Variants in KIDINS220 observed in about 807,000 individuals in gnomAD.
KIDINS220 encodes the protein kinase D-interacting substrate of 220 kDa.
A neutral mutation model predicts 157.6 loss-of-function variants in KIDINS220; 63 were observed. That is an observed-to-expected ratio of 0.40 (90% CI 0.33 to 0.49). KIDINS220 has a LOEUF of 0.49. Ranked by LOEUF, KIDINS220 falls within the 20% of genes least tolerant of loss-of-function variation. The probability of loss-of-function intolerance (pLI) is 0.66; values close to 1 mark genes in which losing one functional copy is unlikely to be tolerated. For synonymous variants in KIDINS220, 732 were observed against 783.6 expected (o/e 0.93, Z 1.10); for missense variants, 1,772 against 2,171.2 (o/e 0.82, Z 3.65).
At position 8,789,861 on chromosome 2, in the gene KIDINS220, A is replaced by G. The variant is rs1291996211; in HGVS notation, c.1621+19T>C. ...AACGTTTTCTCCATTTTTGAAAAAG[A>G]TAAAAAGCAAAGACTTACTAAAGAA... On this transcript the variant is annotated intron_variant, in intron 14 of 29. Transcript: ENST00000256707. 1 of 1,546,568 alleles carries G rather than the reference A, an allele frequency of 6.5e-7. No individual in the cohort carries two copies. Among genetic ancestry groups the G allele is most frequent in the African/African-American group, 1.4e-5 (1 of 71,410 alleles).
At chr2:8,809,265 C>T (rs1178442746) in intron 6 of KIDINS220, among the ~76,000 whole-genome samples, 8 of 152,202 alleles carry the variant, frequency 5.3e-5, no homozygotes, top group Non-Finnish European at 1.2e-4. Context: ...AGGTGATCCA[C>T]CTGCCTCGGC....
At chr2:8,739,470 A>G (rs1044938176) in intron 26 of KIDINS220, among the ~76,000 whole-genome samples, 2 of 152,208 alleles carry the variant, frequency 1.3e-5, no homozygotes, top group Non-Finnish European at 1.5e-5. Flanking sequence ...TTCTAAAATA[A>G]TCATACATAA....
chr2:8,781,270 A>G (rs1333391282), intron 17 of KIDINS220, among the ~76,000 whole-genome samples: 1 of 151,482 alleles, frequency 6.6e-6, no homozygotes, highest in Non-Finnish European at 1.5e-5. Flanking sequence ...TATGTAAGAC[A>G]AAAGCTGACA....
chr2:8,740,463 G>C (rs905023327), intron 26 of KIDINS220, among the ~76,000 whole-genome samples: 7 of 152,076 alleles, frequency 4.6e-5, no homozygotes, highest in African/African-American at 1.7e-4. Context: ...TAAATCATGA[G>C]CCATACATTT....
intron 11 of KIDINS220, among the ~76,000 whole-genome samples, chr2:8,795,379 C>G (rs542986234): frequency 1.7e-4 from 26 of 152,314 alleles, no homozygotes; most frequent in African/African-American, 6.3e-4. Flanking sequence ...CTGCCAGATA[C>G]AAAATTCCTA....
At chr2:8,746,971 G>T in intron 26 of KIDINS220, 174 bp downstream of exon 26, 1 of 540,312 alleles carries the variant, frequency 1.9e-6, no homozygotes. Context: ...TTAAACATCC[G>T]CTTTTTAATT....
intron 17 of KIDINS220, among the ~76,000 whole-genome samples, chr2:8,783,296 G>C (rs958538175): frequency 6.6e-6 from 1 of 151,848 alleles, no homozygotes; most frequent in African/African-American, 2.4e-5. Context: ...ATTTATGGTA[G>C]AAACTCTCAG....
chr2:8,797,034 A>G (rs1674051957), intron 10 of KIDINS220, among the ~76,000 whole-genome samples, 165 bp from the exon 11 acceptor site: 1 of 152,186 alleles, frequency 6.6e-6, no homozygotes, highest in Admixed American at 6.5e-5. Context: ...TTTCCTTTAC[A>G]CCCACTCATT....
At chr2:8,758,864 A>T (rs1052456231) in intron 22 of KIDINS220, among the ~76,000 whole-genome samples, 1 of 152,218 alleles carries the variant, frequency 6.6e-6, no homozygotes, top group East Asian at 1.9e-4. Context: ...TTTGTCTGCC[A>T]CAGCCAAAGT....
rs1371561597 is a variant in KIDINS220, at chr2:8,750,174, G to A, written c.3352C>T (p.Pro1118Ser). The A allele has an allele frequency of 6.2e-7, 1 of 1,614,200 alleles. No individual in the cohort carries two copies. Among genetic ancestry groups the A allele is most frequent in the South Asian group, 1.1e-5 (1 of 91,084 alleles). ...NGPFAGGVVS[P>S]QPHSSYYSGM... ...CTGTAATAGCTGCTGTGAGGCTGTG[G>A]TGACACCACTCCACCTGCGAAGGGC... Residue 1118 changes from proline to serine, a missense_variant, in exon 24 of 30, where the codon CCA becomes TCA. Pro to Ser is a moderately conservative substitution (Grantham distance 74, BLOSUM62 -1). This residue lies in a region of KIDINS220 where 793 missense variants were observed against 885.5 expected (regional missense o/e 0.90). Transcript: ENST00000256707.
downstream of KIDINS220, among the ~76,000 whole-genome samples, chr2:8,726,057 T>C (rs1292771607): frequency 1.3e-5 from 2 of 152,236 alleles, no homozygotes; most frequent in African/African-American, 4.8e-5. Context: ...TATTACGTAA[T>C]TCATGCTATT....
intron 20 of KIDINS220, among the ~76,000 whole-genome samples, chr2:8,778,365 T>C (rs970321606): frequency 6.6e-6 from 1 of 152,170 alleles, no homozygotes; most frequent in Non-Finnish European, 1.5e-5. Flanking sequence ...TTCTCAACCC[T>C]GGATGAAATC....
At position 8,750,297 on chromosome 2, in the gene KIDINS220, G is replaced by C. The variant is rs1441859954; in HGVS notation, c.3229C>G (p.Leu1077Val). Residue 1077 changes from leucine to valine, a missense_variant, in exon 24 of 30, where the codon CTG becomes GTG. Coordinates refer to ENST00000256707, the MANE Select transcript of KIDINS220 (RefSeq NM_020738.4). ...AAREQISIGGLAYPPLPLHEG... is the reference protein window; with the variant it reads ...AAREQISIGGVAYPPLPLHEG... ...TGTAGAGGGAGCGGGGGGTACGCCA[G>C]TCCTCCAATACTGATCTGCTCTCTG... 6.2e-7 allele frequency: 1 copy of C among 1,612,098 alleles called. No homozygotes were observed.
intron 13 of KIDINS220, 78 bp downstream of exon 13, chr2:8,790,982 C>T (rs184846449): frequency 5.1e-5 from 70 of 1,369,042 alleles, no homozygotes; most frequent in Middle Eastern, 1.9e-4. Flanking sequence ...AGAAAGTGGT[C>T]TTCCTCTTTA....
intron 1 of KIDINS220, among the ~76,000 whole-genome samples, chr2:8,836,851 TAAAA>T (rs1680487001): frequency 6.6e-6 from 1 of 152,146 alleles, no homozygotes; most frequent in East Asian, 1.9e-4. Context: ...TAGTTATTCA[TAAAA>T]AAATTTTTCA....
chr2:8,734,532 A>C (rs1385133099), intron 28 of KIDINS220, 123 bp downstream of exon 28: 2 of 625,806 alleles, frequency 3.2e-6, no homozygotes, highest in African/African-American at 3.8e-5. Context: ...ATTTAAAAAA[A>C]TATGAAAAAA....
At chr2:8,791,870 G>A (rs1298171990) in intron 12 of KIDINS220, among the ~76,000 whole-genome samples, 1 of 152,022 alleles carries the variant, frequency 6.6e-6, no homozygotes, top group East Asian at 1.9e-4. Context: ...TGAAAGGAAA[G>A]AAGAATGTGT....
intron 17 of KIDINS220, among the ~76,000 whole-genome samples, chr2:8,783,529 A>G (rs1671985297): frequency 6.6e-6 from 1 of 152,224 alleles, no homozygotes; most frequent in Non-Finnish European, 1.5e-5. Context: ...GGGAAGAAAG[A>G]AAGAAAACTG....
chr2:8,721,475 C>G (rs986057771), downstream of KIDINS220: 2 of 152,186 alleles, frequency 1.3e-5, no homozygotes, highest in African/African-American at 4.8e-5. Flanking sequence ...AAACAAGACT[C>G]TTTTTCTCCA....
Sources: allele counts gnomAD v4.1 joint callset (sites outside exome capture counted in the v4.1 genomes callset), GRCh38; gene constraint gnomAD v4.1.1; regional missense constraint gnomAD v4.1.1; transcripts MANE v1.5; gene names NCBI Gene and HGNC (gene_info 2026-07-23, HGNC 2026-07-21).